Variants in CELF4 observed in about 807,000 individuals in gnomAD.
CELF4 encodes CUG-BP- and ETR-3-like factor 4.
In CELF4, 18 loss-of-function variants were observed where a neutral mutation model predicts 59.9. The observed-to-expected ratio is 0.30, with a 90% CI of 0.21 to 0.45. The LOEUF (loss-of-function observed/expected upper bound fraction) is 0.45. Among genes scored for constraint, CELF4 ranks in the 20% least tolerant of loss-of-function variants. The pLI is 1.00. For missense variants in CELF4, 456 were observed against 689.0 expected (o/e 0.66, Z 3.79); for synonymous variants, 261 against 267.1 (o/e 0.98, Z 0.22).
chr18:37,435,389 A>G (rs1173714568), intron 2 of CELF4, among the ~76,000 whole-genome samples: 5 of 152,124 alleles, frequency 3.3e-5, no homozygotes, highest in Admixed American at 2.6e-4. Flanking sequence ...TGTGTCTGAC[A>G]TGTTGCTGCC....
At chr18:37,550,657 G>A (rs112566062) in intron 1 of CELF4, among the ~76,000 whole-genome samples, 1,815 of 152,346 alleles carry the variant, frequency 0.012, 27 homozygotes, top group African/African-American at 0.041. Flanking sequence ...CAGCCCGTCC[G>A]CTGGCTGCCT....
intron 2 of CELF4, among the ~76,000 whole-genome samples, chr18:37,470,873 T>TGACA (rs1569569543): frequency 4.9e-4 from 51 of 104,072 alleles, no homozygotes; most frequent in African/African-American, 7.2e-4. Flanking sequence ...TGTGTGTGTG[T>TGACA]GTGTGTGTGT....
At chr18:37,451,669 CAG>C (rs2099764460) in intron 2 of CELF4, among the ~76,000 whole-genome samples, 2 of 152,308 alleles carry the variant, frequency 1.3e-5, no homozygotes, top group South Asian at 2.1e-4. Context: ...TGGCTCCTGA[CAG>C]GGGTCTCCGG....
chr18:37,330,242 T>G (rs1334209668), intron 2 of CELF4, among the ~76,000 whole-genome samples: 1 of 152,066 alleles, frequency 6.6e-6, no homozygotes, highest in Non-Finnish European at 1.5e-5. Context: ...AATTATTTGT[T>G]TAAAGCCCCA....
At chr18:37,316,764 G>A (rs925641018) in intron 3 of CELF4, among the ~76,000 whole-genome samples, 2 of 152,026 alleles carry the variant, frequency 1.3e-5, no homozygotes, top group Non-Finnish European at 2.9e-5. Context: ...GTAGGTCTGG[G>A]AGCTCCTTGT....
chr18:37,356,742 T>C (rs1044155449), intron 2 of CELF4, among the ~76,000 whole-genome samples: 1 of 152,230 alleles, frequency 6.6e-6, no homozygotes, highest in Non-Finnish European at 1.5e-5. Flanking sequence ...GCACATGGCA[T>C]GCAGCGAGCT....
chr18:37,500,169 C>A (rs974676044), intron 1 of CELF4, among the ~76,000 whole-genome samples: 1 of 152,186 alleles, frequency 6.6e-6, no homozygotes, highest in Non-Finnish European at 1.5e-5. Flanking sequence ...CAGATTCATG[C>A]GAGGAGGTGT....
chr18:37,534,732 G>A (rs1411031055), intron 1 of CELF4, among the ~76,000 whole-genome samples: 1 of 152,212 alleles, frequency 6.6e-6, no homozygotes, highest in African/African-American at 2.4e-5. Flanking sequence ...CCCAGGGCCA[G>A]AGGGGAAGAG....
At chr18:37,279,236 G>C (rs2093801793) in intron 3 of CELF4, among the ~76,000 whole-genome samples, 1 of 152,236 alleles carries the variant, frequency 6.6e-6, no homozygotes, top group Non-Finnish European at 1.5e-5. Context: ...TCAGGCAGGT[G>C]CTGCTGGGCT....
chr18:37,315,144 A>G (rs1399742182), intron 3 of CELF4, among the ~76,000 whole-genome samples: 1 of 152,042 alleles, frequency 6.6e-6, no homozygotes, highest in Non-Finnish European at 1.5e-5. Flanking sequence ...CCCCAGTGCT[A>G]GACCCGCTCC....
chr18:37,250,303 A>AC (rs1335438706), intron 12 of CELF4, among the ~76,000 whole-genome samples: 1 of 151,892 alleles, frequency 6.6e-6, no homozygotes, highest in Non-Finnish European at 1.5e-5. Context: ...GAAGCAGAAA[A>AC]CCCGCCAGGA....
At chr18:37,413,845 A>G (rs1459208210) in intron 2 of CELF4, among the ~76,000 whole-genome samples, 4 of 152,102 alleles carry the variant, frequency 2.6e-5, no homozygotes, top group Non-Finnish European at 5.9e-5. Context: ...TGGTCTGGAG[A>G]CCCAGGATCT....
intron 2 of CELF4, among the ~76,000 whole-genome samples, chr18:37,335,250 G>A (rs1025749832): frequency 4.6e-5 from 7 of 152,080 alleles, no homozygotes; most frequent in East Asian, 1.9e-4. Flanking sequence ...CCTGAAACAC[G>A]CCAGGGTCTC....
At chr18:37,455,404 T>G (rs767115299) in intron 2 of CELF4, among the ~76,000 whole-genome samples, 12 of 152,246 alleles carry the variant, frequency 7.9e-5, no homozygotes, top group Non-Finnish European at 1.8e-4. Context: ...TCTCCTCTTC[T>G]TCCAACTCAT....
At chr18:37,391,787 G>T (rs376313244) in intron 2 of CELF4, among the ~76,000 whole-genome samples, 14 of 152,214 alleles carry the variant, frequency 9.2e-5, no homozygotes, top group African/African-American at 3.1e-4. Context: ...CTGAGTGTCT[G>T]GGGGGAGATT....
intron 2 of CELF4, among the ~76,000 whole-genome samples, chr18:37,335,025 C>T (rs574032137): frequency 6.6e-5 from 10 of 151,254 alleles, no homozygotes; most frequent in African/African-American, 1.5e-4. Context: ...TCTGCTCCCC[C>T]CTCTCTCCCT....
intron 2 of CELF4, among the ~76,000 whole-genome samples, chr18:37,361,791 C>T (rs2098707004): frequency 1.3e-5 from 2 of 151,812 alleles, no homozygotes; most frequent in African/African-American, 4.8e-5. Flanking sequence ...CTCGGAGATG[C>T]CCAGCCGGGG....
intron 2 of CELF4, among the ~76,000 whole-genome samples, chr18:37,462,279 G>A (rs1239621132): frequency 1.3e-5 from 2 of 152,154 alleles, no homozygotes; most frequent in Non-Finnish European, 2.9e-5. Context: ...CGGTCTCCTG[G>A]GGGTATTCAG....
chr18:37,545,390 T>A (rs114461811), intron 1 of CELF4, among the ~76,000 whole-genome samples: 4,212 of 152,276 alleles, frequency 0.028, 215 homozygotes, highest in African/African-American at 0.095. Context: ...GGCTTGGGGA[T>A]GGCCTGGCTT....
Sources: allele counts gnomAD v4.1 joint callset (sites outside exome capture counted in the v4.1 genomes callset), GRCh38; gene constraint gnomAD v4.1.1; transcripts MANE v1.5; gene names NCBI Gene and HGNC (gene_info 2026-07-23, HGNC 2026-07-21).